GNA14: variants seen among roughly 807,000 people sequenced by gnomAD.
GNA14 encodes G protein subunit alpha 14, also known as guanine nucleotide-binding protein subunit alpha-14.
In GNA14, 50 loss-of-function variants were observed where a neutral mutation model predicts 42.0. That is an observed-to-expected ratio of 1.19 (90% confidence interval 0.95 to 1.51). GNA14 has a LOEUF of 1.51. Among genes scored for constraint, GNA14 ranks in the 40% most tolerant of loss-of-function variants. The pLI is 0.00. For missense variants in GNA14, 473 were observed against 446.2 expected (o/e 1.06, Z -0.54); for synonymous variants, 173 against 163.1 (o/e 1.06, Z -0.46).
intron 2 of GNA14, among the ~76,000 whole-genome samples, chr9:77,475,148 G>A (rs533996899): frequency 5.5e-4 from 83 of 152,050 alleles, no homozygotes; most frequent in African/African-American, 1.4e-3. Flanking sequence ...TATTGCTTCC[G>A]TCACTCAGTG....
chr9:77,605,415 G>GA (rs138807744), intron 1 of GNA14, among the ~76,000 whole-genome samples: 7,527 of 152,228 alleles, frequency 0.049, 623 homozygotes, highest in African/African-American at 0.17. Flanking sequence ...TGGCATTTGA[G>GA]AAAATGACAG....
chr9:77,452,611 GTGTGT>G (rs1835928341), intron 2 of GNA14, among the ~76,000 whole-genome samples: 1 of 59,562 alleles, frequency 1.7e-5, no homozygotes. Flanking sequence ...GTATGTGTAT[GTGTGT>G]GTATGTATAT....
intron 1 of GNA14, among the ~76,000 whole-genome samples, chr9:77,625,390 A>G (rs1171760403): frequency 2.0e-5 from 3 of 152,146 alleles, no homozygotes; most frequent in African/African-American, 7.2e-5. Flanking sequence ...TTCAGGAAAT[A>G]CAGAGAACAC....
chr9:77,428,800 CTG>C (rs1835496190), intron 5 of GNA14, 105 bp downstream of exon 5: 3 of 1,093,426 alleles, frequency 2.7e-6, no homozygotes, highest in Non-Finnish European at 2.7e-6. Flanking sequence ...AGTAGCAAGA[CTG>C]TTTGACCTAA....
chr9:77,512,664 T>C (rs766060192), intron 2 of GNA14, among the ~76,000 whole-genome samples: 15 of 152,186 alleles, frequency 9.9e-5, no homozygotes, highest in Non-Finnish European at 1.9e-4. Context: ...ACACATCAAC[T>C]TCTTTCTATA....
At chr9:77,536,299 A>C (rs950333288) in intron 1 of GNA14, among the ~76,000 whole-genome samples, 1 of 152,214 alleles carries the variant, frequency 6.6e-6, no homozygotes, top group Non-Finnish European at 1.5e-5. Flanking sequence ...AAACAACAGC[A>C]GAACAACGGA....
At chr9:77,442,072 T>C (rs1189205552) in intron 2 of GNA14, among the ~76,000 whole-genome samples, 1 of 152,146 alleles carries the variant, frequency 6.6e-6, no homozygotes, top group African/African-American at 2.4e-5. Context: ...TGCTTGAAAG[T>C]AGTAGAAAGC....
At chr9:77,435,050 TA>T (rs3052358) in intron 2 of GNA14, among the ~76,000 whole-genome samples, 3,555 of 119,252 alleles carry the variant, frequency 0.03, 55 homozygotes, top group Non-Finnish European at 0.035. Flanking sequence ...TTCTTTCATT[TA>T]AAAAAAAAAA....
intron 1 of GNA14, among the ~76,000 whole-genome samples, chr9:77,591,784 C>T (rs1019010017): frequency 2.0e-5 from 3 of 152,100 alleles, no homozygotes; most frequent in Non-Finnish European, 2.9e-5. Flanking sequence ...TTAAACATCC[C>T]GTCTGGCACT....
intron 1 of GNA14, chr9:77,580,545 C>G (rs1486471385): frequency 2.1e-6 from 1 of 486,852 alleles, no homozygotes; most frequent in East Asian, 5.0e-5. Context: ...TCGGGTTCCA[C>G]CAGATGTTCC....
chr9:77,582,807 T>C (rs1010838357), intron 1 of GNA14, among the ~76,000 whole-genome samples: 2 of 152,194 alleles, frequency 1.3e-5, no homozygotes, highest in African/African-American at 4.8e-5. Context: ...TAGGTCTGTA[T>C]ATCTGTATTT....
intron 2 of GNA14, among the ~76,000 whole-genome samples, chr9:77,463,610 G>A (rs1047155319): frequency 2.0e-5 from 3 of 152,210 alleles, no homozygotes; most frequent in African/African-American, 7.2e-5. Context: ...AAGTGTTTTT[G>A]TTTCTTCAGC....
At chr9:77,543,666 T>G (rs775189692) in intron 1 of GNA14, among the ~76,000 whole-genome samples, 1 of 152,206 alleles carries the variant, frequency 6.6e-6, no homozygotes, top group African/African-American at 2.4e-5. Flanking sequence ...CTTTTCCCCA[T>G]GTTTGGGAGC....
chr9:77,488,736 T>TAAAATA (rs1319367008), intron 2 of GNA14, among the ~76,000 whole-genome samples: 1 of 40,736 alleles, frequency 2.5e-5, no homozygotes, highest in Non-Finnish European at 5.1e-5. Flanking sequence ...TGAGGAAAAA[T>TAAAATA]AAAATAAATA....
Position 77,559,549 on chromosome 9 carries a change from G to C in GNA14, c.125-30296C>G, listed in dbSNP as rs976038115. ...TACCACAGGGCATGCAGAAAAGAAA[G>C]TGCATGTCACAGAGTGATGGCAAGC... On this transcript the variant is annotated intron_variant, in intron 1 of 6. Transcript: ENST00000341700. Among the ~76,000 whole-genome samples, 4 of 152,226 alleles carry C rather than the reference G, an allele frequency of 2.6e-5. No homozygotes were observed. The South Asian group carries it at 6.2e-4, about 24-fold the overall frequency.
intron 1 of GNA14, among the ~76,000 whole-genome samples, chr9:77,548,109 C>A (rs981896596): frequency 1.2e-4 from 19 of 152,280 alleles, no homozygotes; most frequent in African/African-American, 4.6e-4. Context: ...TAACAAAGTA[C>A]CTCATACTGG....
At chr9:77,582,249 G>T (rs1465441446) in intron 1 of GNA14, among the ~76,000 whole-genome samples, 2 of 152,312 alleles carry the variant, frequency 1.3e-5, no homozygotes, top group South Asian at 2.1e-4. Flanking sequence ...AATATTTTAG[G>T]TTTGTGCTGC....
intron 2 of GNA14, among the ~76,000 whole-genome samples, chr9:77,483,909 A>G (rs1386881394): frequency 6.6e-6 from 1 of 151,844 alleles, no homozygotes; most frequent in African/African-American, 2.4e-5. Flanking sequence ...AACAAACACA[A>G]AATAAAAGAT....
chr9:77,638,730 T>G (rs1278123315), intron 1 of GNA14, among the ~76,000 whole-genome samples: 3 of 152,172 alleles, frequency 2.0e-5, no homozygotes, highest in Non-Finnish European at 2.9e-5. Context: ...ATCTAAGTTT[T>G]TAAATGGACC....
Sources: allele counts gnomAD v4.1 joint callset (sites outside exome capture counted in the v4.1 genomes callset), GRCh38; gene constraint gnomAD v4.1.1; transcripts MANE v1.5; gene names NCBI Gene and HGNC (gene_info 2026-07-23, HGNC 2026-07-21).